PRKN: variants seen among roughly 807,000 people sequenced by gnomAD.
PRKN encodes E3 ubiquitin-protein ligase parkin.
PRKN carries 56 observed loss-of-function variants against 59.5 expected under a neutral mutation model. The observed-to-expected ratio is 0.94, with a 90% CI of 0.76 to 1.18. The LOEUF is 1.18. PRKN is among the 50% of genes most tolerant of loss of function. The pLI is 0.00. For synonymous variants in PRKN, 250 were observed against 222.1 expected, an observed-to-expected ratio of 1.13 and a Z score of -1.12; for missense variants, 657 against 596.4, an observed-to-expected ratio of 1.10 and a Z score of -1.06.
Position 161,466,618 on chromosome 6 carries a change from A to G in PRKN, c.1084-79741T>C, listed in dbSNP as rs144836256. 7.2e-5 allele frequency among the ~76,000 whole-genome samples: 11 copies of G among 152,328 alleles called. No individual in the cohort carries two copies. The highest frequency in any genetic ancestry group is 1.0e-4 in the Non-Finnish European group (7 of 68,034). Reference sequence around the variant, plus strand: ...AGCCAGTACATCTCTGAGATTTGCCATCCTCTCTGGTAAGGACTGCACTCA... The same window carrying G: ...AGCCAGTACATCTCTGAGATTTGCCGTCCTCTCTGGTAAGGACTGCACTCA... On this transcript the variant is annotated intron_variant, in intron 9 of 11. Coordinates refer to ENST00000366898, the MANE Select transcript of PRKN (RefSeq NM_004562.3). The surrounding 1 kb of genome is among the most constrained non-coding windows in gnomAD (Gnocchi z 5.0).
At chr6:162,037,279 C>T (rs182849767) in intron 5 of PRKN, among the ~76,000 whole-genome samples, 21 of 152,216 alleles carry the variant, frequency 1.4e-4, no homozygotes, top group African/African-American at 4.8e-4. Context: ...CAAGACTCTT[C>T]AACAAAATAA....
chr6:162,021,434 A>G (rs2849572), intron 5 of PRKN, among the ~76,000 whole-genome samples: 96,572 of 135,828 alleles, frequency 0.71, 33,848 homozygotes, highest in East Asian at 0.77. Context: ...CCGGCATTAC[A>G]GGGAATATAT....
At chr6:162,688,868 T>C (rs981378368) in intron 1 of PRKN, among the ~76,000 whole-genome samples, 1 of 152,214 alleles carries the variant, frequency 6.6e-6, no homozygotes, top group East Asian at 1.9e-4. Flanking sequence ...TTTTACTTTT[T>C]TCCCCCCAGT....
rs1040753826 is a variant in PRKN, at chr6:161,461,678, G to A, written c.1084-74801C>T. Among the ~76,000 whole-genome samples the A allele has an allele frequency of 6.6e-6, 1 of 152,240 alleles. No homozygotes were observed. Among genetic ancestry groups the A allele is most frequent in the Non-Finnish European group, 1.5e-5 (1 of 68,028 alleles). ...CCACTCATTGCAAGGACCGAGGTAA[G>A]AAGAGACAGGACAGGGTTGCATGTG... On this transcript the variant is annotated intron_variant, in intron 9 of 11. Coordinates refer to ENST00000366898, the MANE Select transcript of PRKN (RefSeq NM_004562.3). The surrounding 1 kb of genome is among the most constrained non-coding windows in gnomAD (Gnocchi z 5.1).
intron 1 of PRKN, among the ~76,000 whole-genome samples, chr6:162,676,117 C>A (rs2803088): frequency 6.6e-6 from 1 of 152,052 alleles, no homozygotes; most frequent in Non-Finnish European, 1.5e-5. Context: ...GAGGAAGACA[C>A]TAGTAACAGA....
chr6:162,480,962 A>C (rs1792281396), intron 1 of PRKN, among the ~76,000 whole-genome samples: 1 of 150,452 alleles, frequency 6.6e-6, no homozygotes, highest in African/African-American at 2.4e-5. Flanking sequence ...TGCACCACCA[A>C]GCCCAGCTAA....
At chr6:161,846,425 T>C (rs1014151151) in intron 6 of PRKN, among the ~76,000 whole-genome samples, 3 of 152,174 alleles carry the variant, frequency 2.0e-5, no homozygotes, top group Admixed American at 6.6e-5. Context: ...ATGCTCTTTA[T>C]GCAACAGATT....
At position 161,552,303 on chromosome 6, in the gene PRKN, C is replaced by G. The variant is rs1014311909; in HGVS notation, c.934-3300G>C. Among the ~76,000 whole-genome samples, 2 of 151,638 alleles carry G rather than the reference C, an allele frequency of 1.3e-5. No individual in the cohort carries two copies. On this transcript the variant is annotated intron_variant, in intron 8 of 11. Coordinates refer to ENST00000366898, the MANE Select transcript of PRKN (RefSeq NM_004562.3). The surrounding 1 kb of genome is among the most constrained non-coding windows in gnomAD (Gnocchi z 4.9). ...GATCTCACGGTGATCCTCCAAGCCC[C>G]TCTCCCTCAGCTCTGTTCACCTCCG...
At chr6:161,389,038 T>C (rs1303738523) in intron 9 of PRKN, among the ~76,000 whole-genome samples, 3 of 152,264 alleles carry the variant, frequency 2.0e-5, no homozygotes, top group Non-Finnish European at 2.9e-5. Context: ...ACTAATATTT[T>C]ATAGTATAAG....
intron 4 of PRKN, among the ~76,000 whole-genome samples, chr6:162,149,956 A>T (rs78978990): frequency 6.6e-6 from 1 of 152,122 alleles, no homozygotes; most frequent in Non-Finnish European, 1.5e-5. Context: ...AAAGCACTGT[A>T]TGGTATAAAG....
At chr6:162,270,938 C>T (rs77218354) in intron 2 of PRKN, among the ~76,000 whole-genome samples, 2,705 of 151,556 alleles carry the variant, frequency 0.018, 67 homozygotes, top group South Asian at 0.062. Context: ...AACTCCCAGA[C>T]TCAAGTGATC....
intron 1 of PRKN, among the ~76,000 whole-genome samples, chr6:162,585,906 T>C (rs1394435178): frequency 6.6e-6 from 1 of 152,120 alleles, no homozygotes; most frequent in Non-Finnish European, 1.5e-5. Flanking sequence ...GGTTTCACCA[T>C]GTTAGCCAGG....
At chr6:161,834,210 G>A (rs1431684904) in intron 6 of PRKN, among the ~76,000 whole-genome samples, 1 of 152,038 alleles carries the variant, frequency 6.6e-6, no homozygotes, top group Non-Finnish European at 1.5e-5. Flanking sequence ...GAGGTTTGCT[G>A]TATAAATGCA....
chr6:161,491,496 T>G (rs764631570), intron 9 of PRKN, among the ~76,000 whole-genome samples: 2 of 152,046 alleles, frequency 1.3e-5, no homozygotes, highest in Non-Finnish European at 2.9e-5. Flanking sequence ...AGCTTGTGAT[T>G]TGGGCAAATC....
Position 161,488,586 on chromosome 6 carries a change from A to G in PRKN, c.1083+60268T>C, listed in dbSNP as rs1263677231. Among the ~76,000 whole-genome samples the G allele has an allele frequency of 1.3e-5, 2 of 152,054 alleles. No homozygotes were observed. The highest frequency in any genetic ancestry group is 1.5e-5 in the Non-Finnish European group (1 of 68,000). On this transcript the variant is annotated intron_variant, in intron 9 of 11. Coordinates refer to ENST00000366898, the MANE Select transcript of PRKN (RefSeq NM_004562.3). The surrounding 1 kb of genome is among the most constrained non-coding windows in gnomAD (Gnocchi z 4.5). ...CTCACTGCATGAATTCCTGGGCTCAAGTGATCTTCCTGCCTCAGCCTCCTG... is the reference window on the plus strand; with the variant it reads ...CTCACTGCATGAATTCCTGGGCTCAGGTGATCTTCCTGCCTCAGCCTCCTG...
rs754988817 is a variant in PRKN, at chr6:162,646,200, C to T, written c.7+81462G>A. Among the ~76,000 whole-genome samples, 107 of 151,794 alleles carry T rather than the reference C, an allele frequency of 7.0e-4. 1 individual carries two copies. The highest frequency in any genetic ancestry group is 1.0e-3 in the Non-Finnish European group (68 of 67,916). On this transcript the variant is annotated intron_variant, in intron 1 of 11. Transcript: ENST00000366898. ...ACTTTCTAAAGCAGATTCCAGTTTT[C>T]CCAGGTAAAATCACACAAAGAAACC...
intron 1 of PRKN, among the ~76,000 whole-genome samples, chr6:162,527,851 A>T (rs1233031533): frequency 6.6e-6 from 1 of 152,076 alleles, no homozygotes; most frequent in Non-Finnish European, 1.5e-5. Context: ...GAATTAGGAC[A>T]TTACAGTTAA....
chr6:162,151,125 A>G (rs1782253850), intron 4 of PRKN, among the ~76,000 whole-genome samples: 1 of 152,220 alleles, frequency 6.6e-6, no homozygotes, highest in Non-Finnish European at 1.5e-5. Flanking sequence ...GAAGAATGTA[A>G]GAACTGAAGA....
chr6:161,510,129 C>G (rs981176194), intron 9 of PRKN, among the ~76,000 whole-genome samples: 4 of 152,096 alleles, frequency 2.6e-5, no homozygotes, highest in African/African-American at 4.8e-5. Context: ...TACACATGAA[C>G]ACTTTTATAA....
Sources: gnomAD v4.1 joint callset for allele counts (sites outside exome capture counted in the v4.1 genomes callset) on GRCh38, gnomAD v4.1.1 for gene constraint, Gnocchi (gnomAD v3.1) non-coding constraint, MANE v1.5 for transcripts, NCBI Gene and HGNC (gene_info 2026-07-23, HGNC 2026-07-21) for gene names.